OPN4: variants seen among roughly 807,000 people sequenced by gnomAD.
OPN4 encodes the protein melanopsin.
In OPN4, 43 loss-of-function variants were observed where a neutral mutation model predicts 49.5. The observed-to-expected ratio is 0.87, with a 90% CI of 0.68 to 1.12. OPN4 has a LOEUF of 1.12. OPN4 is among the 50% of genes most tolerant of loss of function. The pLI is 0.00. For synonymous variants in OPN4, 263 were observed against 258.0 expected, an observed-to-expected ratio of 1.02 and a Z score of -0.19; for missense variants, 657 against 643.9, an observed-to-expected ratio of 1.02 and a Z score of -0.22.
intron 6 of OPN4, 27 bp from the exon 7 acceptor site, chr10:86,661,254 T>C (rs1281072862): frequency 2.5e-6 from 4 of 1,589,350 alleles, no homozygotes; most frequent in Non-Finnish European, 3.5e-6. Flanking sequence ...GCCAGCTAGC[T>C]TGGGGACCAC....
intron 9 of OPN4, among the ~76,000 whole-genome samples, chr10:86,664,639 A>C (rs769438277): frequency 5.3e-5 from 8 of 152,186 alleles, no homozygotes; most frequent in Admixed American, 2.6e-4. Flanking sequence ...GGCCAAAGGC[A>C]CATTCCTGCC....
At position 86,659,773 on chromosome 10, in the gene OPN4, G is replaced by T. The variant is rs576910393; in HGVS notation, c.801-122G>T. ...GAAGTCAGGGCTGCCTGCACTGGAA[G>T]GAATGACACTCTCACGAGTGCCCTG... On this transcript the variant is annotated intron_variant, in intron 5 of 9. Transcript: ENST00000241891. 7 of 1,058,332 alleles carry T rather than the reference G, an allele frequency of 6.6e-6. 1 individual carries two copies. The Admixed American group carries it at 1.6e-4, about 24-fold the overall frequency. 65.6% of individuals were successfully genotyped at this position (1,058,332 alleles called of 1,614,324 possible).
At chr10:86,655,956 A>T (rs1843851178) in intron 1 of OPN4, among the ~76,000 whole-genome samples, 199 bp from the exon 2 acceptor site, 1 of 152,176 alleles carries the variant, frequency 6.6e-6, no homozygotes, top group Non-Finnish European at 1.5e-5. Context: ...ATGTTCTAGG[A>T]GCTTGGGCTG....
At chr10:86,664,107 T>C (rs1270531730) in intron 9 of OPN4, 1 of 305,742 alleles carries the variant, frequency 3.3e-6, no homozygotes, top group Non-Finnish European at 6.1e-6. Flanking sequence ...TGTGTGTTGA[T>C]GAGGGTAGGA....
chr10:86,659,476 C>T lies in OPN4; in HGVS notation c.800+8C>T, dbSNP rs1314993803. On this transcript the variant is annotated splice_region_variant and intron_variant, in intron 5 of 9. Transcript: ENST00000241891. ...CATCCGGGAGACAGGACGGTAAGAG[C>T]CGAGCATGGAGGGGGGCTACAGGAG... 1 of 1,612,956 alleles carries T rather than the reference C, an allele frequency of 6.2e-7. No individual in the cohort carries two copies. Among genetic ancestry groups the T allele is most frequent in the Non-Finnish European group, 8.5e-7 (1 of 1,179,674 alleles).
At chr10:86,661,455 G>A in intron 7 of OPN4, 67 bp downstream of exon 7, 4 of 1,171,562 alleles carry the variant, frequency 3.4e-6, no homozygotes, top group Non-Finnish European at 5.0e-6. Flanking sequence ...GGGGGCAGAG[G>A]CCACCACCTT....
intron 8 of OPN4, 57 bp from the exon 9 acceptor site, chr10:86,663,602 G>A: frequency 2.8e-6 from 4 of 1,436,458 alleles, no homozygotes; most frequent in Non-Finnish European, 3.7e-6. Flanking sequence ...GGTAAGGGCA[G>A]GAGCAAAGCT....
rs1249473667 is a variant in OPN4 at position 86,662,122 on chromosome 10, C to A, written c.1074-130C>A. ...CATCACCTGCCATGGTTCCCAGGGT[C>A]TGAGCCTCCCCATTTCCCCAGAGGC... On this transcript the variant is annotated intron_variant, in intron 7 of 9. Transcript: ENST00000241891. The A allele has an allele frequency of 6.9e-6, 5 of 729,600 alleles. No individual in the cohort carries two copies. The African/African-American group carries it at 8.8e-5, about 13-fold the overall frequency. 45.2% of individuals were successfully genotyped at this position (729,600 alleles called of 1,614,324 possible).
chr10:86,658,793 C>T, intron 4 of OPN4, 106 bp downstream of exon 4: 1 of 1,147,876 alleles, frequency 8.7e-7, no homozygotes, highest in African/African-American at 1.5e-5. Context: ...GCAGGGTGCC[C>T]AGGAGCTACC....
At chr10:86,665,575 T>C in intron 9 of OPN4, 138 bp from the exon 10 acceptor site, 2 of 697,412 alleles carry the variant, frequency 2.9e-6, no homozygotes, top group South Asian at 1.7e-5. Context: ...GGAAGGCCCA[T>C]CCCTGACCCA....
At position 86,656,399 on chromosome 10, in the gene OPN4, G is replaced by C. The variant is rs551029733; in HGVS notation, c.290+99G>C. 425 of 1,423,318 alleles carry C rather than the reference G, an allele frequency of 3.0e-4. 7 individuals are homozygous for C. The South Asian group carries it at 5.6e-3, about 19-fold the overall frequency. 88.2% of individuals were successfully genotyped at this position (1,423,318 alleles called of 1,614,324 possible). ...GGAATGTTGACTCTAGCTCTGGCCA[G>C]GGCACTGTTGAGGCTAGGCAAGGAG... On this transcript the variant is annotated intron_variant, in intron 2 of 9. Transcript: ENST00000241891.
intron 6 of OPN4, among the ~76,000 whole-genome samples, chr10:86,660,468 GCAGC>G: frequency 1.3e-5 from 2 of 152,336 alleles, no homozygotes; most frequent in South Asian, 4.1e-4. Context: ...TGTGACATCT[GCAGC>G]AGCACAGATG....
At chr10:86,657,315 C>A (rs1843892463) in intron 2 of OPN4, 4 of 747,960 alleles carry the variant, frequency 5.3e-6, no homozygotes, top group Non-Finnish European at 7.5e-6. Context: ...GTGGGAGCAT[C>A]TTGTCTGGAA....
chr10:86,664,300 T>A (rs1844090654), intron 9 of OPN4, among the ~76,000 whole-genome samples: 1 of 152,186 alleles, frequency 6.6e-6, no homozygotes. Context: ...TATGTACCTC[T>A]CTGTGTGACT....
chr10:86,663,897 G>T (rs958727098), intron 9 of OPN4, 95 bp downstream of exon 9: 3 of 1,419,624 alleles, frequency 2.1e-6, no homozygotes, highest in Non-Finnish European at 1.9e-6. Context: ...TGTTCTCATG[G>T]GCAGGGGCGA....
intron 9 of OPN4, among the ~76,000 whole-genome samples, chr10:86,664,879 G>A (rs1844107397): frequency 6.6e-6 from 1 of 152,196 alleles, no homozygotes; most frequent in Non-Finnish European, 1.5e-5. Flanking sequence ...GGAGGGATAG[G>A]CTCAGGGGGG....
intron 7 of OPN4, 86 bp from the exon 8 acceptor site, chr10:86,662,166 A>G (rs1844022668): frequency 8.5e-7 from 1 of 1,175,138 alleles, no homozygotes; most frequent in Non-Finnish European, 1.2e-6. Flanking sequence ...ACCGCACATT[A>G]GGCCTGTACC....
At chr10:86,657,964 G>A (rs1457303012) in intron 2 of OPN4, 68 bp from the exon 3 acceptor site, 68 of 1,542,454 alleles carry the variant, frequency 4.4e-5, no homozygotes, top group Non-Finnish European at 5.6e-5. Flanking sequence ...TACCTGAGGG[G>A]TGCGGGAAGC....
Position 86,655,089 on chromosome 10 carries a change from A to G in OPN4, c.144+162A>G, listed in dbSNP as rs545790446. On this transcript the variant is annotated intron_variant, in intron 1 of 9. Coordinates refer to ENST00000241891, the MANE Select transcript of OPN4 (RefSeq NM_033282.4). ...ACCTCTCTGAGCCCGCCCCTGATAA[A>G]CAGGCTGATAGAGGAGGGTGCAGGC... Among the ~76,000 whole-genome samples the G allele has an allele frequency of 2.6e-5, 4 of 152,336 alleles. No homozygotes were observed. In the East Asian group the frequency reaches 7.7e-4, roughly 29 times the overall value.
Sources: gnomAD v4.1 joint callset for allele counts (sites outside exome capture counted in the v4.1 genomes callset) on GRCh38, gnomAD v4.1.1 for gene constraint, MANE v1.5 for transcripts, NCBI Gene and HGNC (gene_info 2026-07-23, HGNC 2026-07-21) for gene names.